PPIP5K2: variants seen among roughly 807,000 people sequenced by gnomAD.
PPIP5K2 encodes diphosphoinositol pentakisphosphate kinase 2.
PPIP5K2 carries 105 observed loss-of-function variants against 154.6 expected under a neutral mutation model. That is an observed-to-expected ratio of 0.68 (90% confidence interval 0.58 to 0.80). The LOEUF (loss-of-function observed/expected upper bound fraction) is 0.80, where lower values mean the gene tolerates loss of function less well. PPIP5K2 is among the 30% of genes least tolerant of loss of function. The pLI is 0.00. For synonymous variants in PPIP5K2, 480 were observed against 490.3 expected (o/e 0.98, Z 0.28); for missense variants, 992 against 1,504.6 (o/e 0.66, Z 5.64).
chr5:103,134,275 A>C (rs1269804047), intron 3 of PPIP5K2, among the ~76,000 whole-genome samples: 4 of 152,162 alleles, frequency 2.6e-5, no homozygotes, highest in African/African-American at 7.2e-5. Context: ...GTATTATGTC[A>C]TTGTAAATTC....
intron 1 of PPIP5K2, among the ~76,000 whole-genome samples, chr5:103,121,653 T>G (rs1788763325): frequency 6.6e-6 from 1 of 152,266 alleles, no homozygotes; most frequent in Admixed American, 6.5e-5. Context: ...AGCATTGTGA[T>G]GCAGAATTAA....
intron 21 of PPIP5K2, among the ~76,000 whole-genome samples, chr5:103,174,637 C>T (rs1798433689): frequency 6.6e-6 from 1 of 152,018 alleles, no homozygotes; most frequent in Non-Finnish European, 1.5e-5. Flanking sequence ...CAGGAGTGAG[C>T]TTCCTATGAG....
At chr5:103,188,654 A>G (rs1800763640) in intron 28 of PPIP5K2, 1 of 152,234 alleles carries the variant, frequency 6.6e-6, no homozygotes. Flanking sequence ...AGTCACAAGA[A>G]AAACAGAAGC....
intron 3 of PPIP5K2, among the ~76,000 whole-genome samples, chr5:103,134,790 G>T (rs1392747995): frequency 6.6e-6 from 1 of 152,194 alleles, no homozygotes; most frequent in African/African-American, 2.4e-5. Flanking sequence ...GCTGAATTCT[G>T]TAAGGAGGCT....
intron 4 of PPIP5K2, among the ~76,000 whole-genome samples, chr5:103,137,251 C>G (rs1166579527): frequency 6.6e-6 from 1 of 151,830 alleles, no homozygotes; most frequent in African/African-American, 2.4e-5. Context: ...CAAGCTCCCC[C>G]TCCCGGGTTC....
intron 17 of PPIP5K2, among the ~76,000 whole-genome samples, chr5:103,163,008 G>C (rs573402252): frequency 6.7e-6 from 1 of 149,062 alleles, no homozygotes; most frequent in African/African-American, 2.5e-5. Context: ...ATCTGTTTCT[G>C]GACCCTGTAT....
chr5:103,180,848 C>CCAA (rs1799413502), intron 24 of PPIP5K2, among the ~76,000 whole-genome samples: 1 of 90,358 alleles, frequency 1.1e-5, no homozygotes. Flanking sequence ...AGACTCTCCC[C>CCAA]AAAAAAAAAA....
Position 103,124,601 on chromosome 5 carries a change from A to G in PPIP5K2, c.-285+4113A>G, listed in dbSNP as rs1317747556. Among the ~76,000 whole-genome samples the G allele has an allele frequency of 6.6e-5, 10 of 152,350 alleles. No individual in the cohort carries two copies. The East Asian group carries it at 1.7e-3, about 26-fold the overall frequency. ...ATAAAACATTTATAAAATGAAGAAT[A>G]TATTTCTAATTCCAGGATGGCTGTG... On this transcript the variant is annotated intron_variant, in intron 1 of 30. Transcript: ENST00000358359.
chr5:103,133,705 C>A, intron 3 of PPIP5K2, 57 bp downstream of exon 3: 1 of 1,354,680 alleles, frequency 7.4e-7, no homozygotes, highest in South Asian at 1.7e-5. Context: ...AAAACTAATA[C>A]ATATTAATTG....
intron 3 of PPIP5K2, among the ~76,000 whole-genome samples, chr5:103,134,470 C>T (rs1215587030): frequency 1.3e-5 from 2 of 152,126 alleles, no homozygotes; most frequent in Non-Finnish European, 2.9e-5. Flanking sequence ...AGTCTTACTT[C>T]AGCAAGAAGA....
At chr5:103,180,391 T>C (rs1311108822) in intron 24 of PPIP5K2, among the ~76,000 whole-genome samples, 3 of 152,116 alleles carry the variant, frequency 2.0e-5, no homozygotes, top group African/African-American at 7.2e-5. Context: ...GCTTTACATA[T>C]AGTTTTCATA....
chr5:103,128,804 A>G (rs868913222), intron 1 of PPIP5K2, among the ~76,000 whole-genome samples: 1 of 152,142 alleles, frequency 6.6e-6, no homozygotes, highest in African/African-American at 2.4e-5. Flanking sequence ...TCATTTATGT[A>G]TGAGACCAGA....
chr5:103,187,373 A>G lies in PPIP5K2; in HGVS notation c.3349A>G (p.Asn1117Asp), dbSNP rs1322568062. 9 of 1,532,046 alleles carry G rather than the reference A, an allele frequency of 5.9e-6. No homozygotes were observed. Among genetic ancestry groups the G allele is most frequent in the African/African-American group, 1.4e-5 (1 of 72,984 alleles). 94.9% of individuals were successfully genotyped at this position (1,532,046 alleles called of 1,614,324 possible). A position where few individuals can be genotyped will look rare whatever the true frequency, so the allele number is the denominator to read the frequency against. Reference sequence around the variant, plus strand: ...TATCTCATTTGCTCGACACCCAACCAATGGTACGTTTTGCTTTTATTTTAA... The same window carrying G: ...TATCTCATTTGCTCGACACCCAACCGATGGTACGTTTTGCTTTTATTTTAA... ...FSISFARHPT[N>D]GFELYSMVPS... is the part of the protein sequence containing the mutation. The change falls in exon 28 of 31, where the codon AAT (asparagine) becomes GAT (aspartate). Residue 1117 changes from asparagine to aspartate, a missense_variant. Transcript: ENST00000358359.
intron 8 of PPIP5K2, 146 bp from the exon 9 acceptor site, chr5:103,151,107 C>A: frequency 1.9e-6 from 1 of 536,578 alleles, no homozygotes. Context: ...TAAGTAATTT[C>A]TTTCATTTCT....
intron 19 of PPIP5K2, among the ~76,000 whole-genome samples, chr5:103,168,917 C>T (rs186790896): frequency 2.0e-4 from 30 of 151,792 alleles, no homozygotes; most frequent in African/African-American, 7.0e-4. Flanking sequence ...TATTGAACAC[C>T]TGTTTTGCAT....
intron 24 of PPIP5K2, among the ~76,000 whole-genome samples, chr5:103,180,474 A>G (rs1394335032): frequency 1.3e-5 from 2 of 151,996 alleles, no homozygotes; most frequent in African/African-American, 4.8e-5. Flanking sequence ...TTGTCTTGTT[A>G]CATTAGGAAT....
chr5:103,183,373 C>G lies in PPIP5K2; in HGVS notation c.3062C>G (p.Ala1021Gly). The G allele has an allele frequency of 6.2e-7, 1 of 1,610,548 alleles. No homozygotes were observed. Among genetic ancestry groups the G allele is most frequent in the Non-Finnish European group, 8.5e-7 (1 of 1,179,008 alleles). ...TCCCCTGTCTCCCCCAAATCATTGG[C>G]TTTCACATCCAGTATTTTTGGCTCA... is the stretch of plus-strand genomic sequence containing the variant. ...TSSPVSPKSL[A>G]FTSSIFGSWQ... Residue 1021 changes from alanine to glycine, a missense_variant, in exon 25 of 31, where the codon GCT (alanine) becomes GGT (glycine). By Grantham distance (60) the Ala-to-Gly change is moderately conservative. Around this residue, in one of 9 missense-constraint regions of PPIP5K2, gnomAD observed 204 missense variants for 224.0 expected, o/e 0.91. Transcript: ENST00000358359.
At chr5:103,169,599 A>C (rs1272173353) in intron 19 of PPIP5K2, among the ~76,000 whole-genome samples, 1 of 151,728 alleles carries the variant, frequency 6.6e-6, no homozygotes, top group Non-Finnish European at 1.5e-5. Context: ...TTGATCAGAT[A>C]TATAATATAG....
At chr5:103,126,401 T>A (rs972345591) in intron 1 of PPIP5K2, among the ~76,000 whole-genome samples, 8 of 152,036 alleles carry the variant, frequency 5.3e-5, no homozygotes, top group African/African-American at 1.7e-4. Flanking sequence ...GGATACATAC[T>A]TTTTTTTCCC....
Sources: allele counts gnomAD v4.1 joint callset (sites outside exome capture counted in the v4.1 genomes callset), GRCh38; gene constraint gnomAD v4.1.1; regional missense constraint gnomAD v4.1.1; transcripts MANE v1.5; gene names NCBI Gene and HGNC (gene_info 2026-07-23, HGNC 2026-07-21).